Variants in RPS6KC1 observed in about 807,000 individuals in gnomAD.
The protein encoded by RPS6KC1 is ribosomal protein S6 kinase C1.
RPS6KC1 carries 54 observed loss-of-function variants against 103.8 expected under a neutral mutation model. That is an observed-to-expected ratio of 0.52 (90% confidence interval 0.42 to 0.65). The LOEUF (loss-of-function observed/expected upper bound fraction) is 0.65, where lower values mean the gene tolerates loss of function less well. RPS6KC1 is among the 30% of genes least tolerant of loss of function. RPS6KC1 has a pLI of 0.00. For synonymous variants in RPS6KC1, 439 were observed against 438.7 expected (o/e 1.00, Z -0.01); for missense variants, 1,151 against 1,253.8 (o/e 0.92, Z 1.24).
At chr1:213,421,408 C>T in the RPS6KC1 span, among the ~76,000 whole-genome samples, 2 of 152,338 alleles carry the variant, frequency 1.3e-5, no homozygotes, top group South Asian at 2.1e-4. Flanking sequence ...CCACTGCGCC[C>T]GGCCCTCCAA....
the RPS6KC1 span, among the ~76,000 whole-genome samples, chr1:213,744,278 C>G: frequency 3.3e-5 from 5 of 152,056 alleles, no homozygotes; most frequent in Non-Finnish European, 7.4e-5. Flanking sequence ...ACCACCTGTT[C>G]CCCAAAAACT....
chr1:213,173,468 T>C (rs2091635532), intron 7 of RPS6KC1, among the ~76,000 whole-genome samples: 1 of 152,258 alleles, frequency 6.6e-6, no homozygotes, highest in Non-Finnish European at 1.5e-5. Context: ...ACTTTTCTTC[T>C]CGGCATTCAA....
chr1:213,162,966 A>C (rs1366733774), intron 6 of RPS6KC1, among the ~76,000 whole-genome samples: 1 of 152,246 alleles, frequency 6.6e-6, no homozygotes, highest in East Asian at 1.9e-4. Context: ...TATACATGGA[A>C]AGACTGATGG....
intron 14 of RPS6KC1, among the ~76,000 whole-genome samples, 153 bp from the exon 15 acceptor site, chr1:213,272,371 C>T (rs1182064980): frequency 1.3e-5 from 2 of 152,258 alleles, no homozygotes; most frequent in African/African-American, 4.8e-5. Flanking sequence ...TGGTATTAGA[C>T]ATAGCTCCCT....
chr1:213,589,857 T>C, the RPS6KC1 span, among the ~76,000 whole-genome samples: 1 of 151,734 alleles, frequency 6.6e-6, no homozygotes, highest in East Asian at 1.9e-4. Flanking sequence ...GGCAATGGGC[T>C]GAAAGATGGG....
the RPS6KC1 span, among the ~76,000 whole-genome samples, chr1:213,409,489 G>GA: frequency 2.0e-5 from 3 of 151,744 alleles, no homozygotes; most frequent in African/African-American, 4.8e-5. Context: ...CACAGAGGCA[G>GA]AAAAAAAACA....
chr1:213,275,339 A>G (rs1251482390), downstream of RPS6KC1, among the ~76,000 whole-genome samples: 2 of 152,330 alleles, frequency 1.3e-5, no homozygotes, highest in Non-Finnish European at 2.9e-5. Flanking sequence ...AATTACCAAT[A>G]TCATTCACTA....
In RPS6KC1 at chr1:213,058,059, CTTT is replaced by C. The variant is rs756919339; in HGVS notation, c.105+6574_105+6576del. Among the ~76,000 whole-genome samples, 627 of 111,876 alleles carry C rather than the reference CTTT, an allele frequency of 5.6e-3. 10 individuals carry two copies. The highest frequency in any genetic ancestry group is 0.024 in the African/African-American group (599 of 25,302). The allele number at this position is 111,876 out of a possible 152,430, so 73.4% of individuals were successfully genotyped here. ...CTGGGATTACAGACGTGCGCCTGAC[CTTT>C]TTTTTTTTTTTTTTTTTTTTTTTAG... On this transcript the variant is annotated intron_variant, in intron 1 of 14. Transcript: ENST00000366960.
At chr1:213,415,204 C>A in the RPS6KC1 span, among the ~76,000 whole-genome samples, 2 of 152,208 alleles carry the variant, frequency 1.3e-5, no homozygotes, top group African/African-American at 4.8e-5. Flanking sequence ...TTTCCTAAGG[C>A]TGATACTGTT....
the RPS6KC1 span, among the ~76,000 whole-genome samples, chr1:213,585,588 G>A: frequency 1.3e-5 from 2 of 152,196 alleles, no homozygotes; most frequent in African/African-American, 2.4e-5. Context: ...GTGAATGTGT[G>A]AGAACAGCCC....
chr1:213,314,075 C>T, the RPS6KC1 span, among the ~76,000 whole-genome samples: 2 of 152,064 alleles, frequency 1.3e-5, no homozygotes, highest in Admixed American at 6.5e-5. Context: ...GGTCCTTCCT[C>T]GCCTCTTCCA....
At chr1:213,210,715 T>A (rs2093480643) in intron 8 of RPS6KC1, among the ~76,000 whole-genome samples, 1 of 152,238 alleles carries the variant, frequency 6.6e-6, no homozygotes, top group East Asian at 1.9e-4. Flanking sequence ...GAAGTTTGGC[T>A]CCATCTGCTA....
chr1:213,635,353 C>T, the RPS6KC1 span, among the ~76,000 whole-genome samples: 5 of 152,196 alleles, frequency 3.3e-5, no homozygotes, highest in Non-Finnish European at 7.3e-5. Flanking sequence ...CCCTAATGAA[C>T]ATCGATGTGA....
chr1:213,274,765 G>A lies in RPS6KC1; in HGVS notation c.*2131G>A, dbSNP rs1304308119. 2.0e-5 allele frequency: 3 copies of A among 151,934 alleles called. No individual in the cohort carries two copies. The highest frequency in any genetic ancestry group is 7.2e-5 in the African/African-American group (3 of 41,382). The allele number at this position is 151,934 out of a possible 1,614,324, so 9.4% of individuals were successfully genotyped here. ...ATATGGGGTCAAAATCATAAAAGAA[G>A]TTGCCATGAGTGTTTCTCATTTGAT... On this transcript the variant is annotated 3_prime_UTR_variant, in exon 15 of 15. Transcript: ENST00000366960.
chr1:213,830,735 C>T, the RPS6KC1 span, among the ~76,000 whole-genome samples: 4 of 151,512 alleles, frequency 2.6e-5, no homozygotes, highest in Non-Finnish European at 1.5e-5. Context: ...CACGGGTCAA[C>T]CTGACTAGAT....
At chr1:213,806,064 G>T in the RPS6KC1 span, among the ~76,000 whole-genome samples, 14 of 152,216 alleles carry the variant, frequency 9.2e-5, no homozygotes, top group African/African-American at 3.4e-4. Context: ...CAGGCATGGC[G>T]GCTCATGCCT....
chr1:213,862,002 C>T, the RPS6KC1 span, among the ~76,000 whole-genome samples: 2 of 152,102 alleles, frequency 1.3e-5, no homozygotes, highest in Non-Finnish European at 2.9e-5. Flanking sequence ...GGCTGCTCCT[C>T]AAGGAAGAGC....
intron 8 of RPS6KC1, among the ~76,000 whole-genome samples, chr1:213,187,451 G>A (rs1450678133): frequency 6.6e-6 from 1 of 151,820 alleles, no homozygotes. Context: ...TCACCATGTT[G>A]GCCTGGCTGG....
the RPS6KC1 span, among the ~76,000 whole-genome samples, chr1:213,478,866 A>G: frequency 7.9e-5 from 12 of 152,018 alleles, no homozygotes; most frequent in African/African-American, 2.9e-4. Flanking sequence ...CTGTAGTCCA[A>G]TTCCCTTCTA....
Sources: gnomAD v4.1 joint callset for allele counts (sites outside exome capture counted in the v4.1 genomes callset) on GRCh38, gnomAD v4.1.1 for gene constraint, MANE v1.5 for transcripts, NCBI Gene and HGNC (gene_info 2026-07-23, HGNC 2026-07-21) for gene names.